COX10: variants seen among roughly 807,000 people sequenced by gnomAD.
COX10 encodes the protein protoheme IX farnesyltransferase, mitochondrial.
COX10 carries 27 observed loss-of-function variants against 37.3 expected under a neutral mutation model. The observed-to-expected ratio is 0.72, with a 90% CI of 0.53 to 1.00. The LOEUF (loss-of-function observed/expected upper bound fraction) is 1.00, where lower values mean the gene tolerates loss of function less well. Among genes scored for constraint, COX10 ranks in the 50% least tolerant of loss-of-function variants. COX10 has a pLI of 0.00. For missense variants in COX10, 475 were observed against 563.2 expected, an observed-to-expected ratio of 0.84 and a Z score of 1.59; for synonymous variants, 222 against 229.1, an observed-to-expected ratio of 0.97 and a Z score of 0.28.
At chr17:14,137,074 A>G (rs865911404) in intron 4 of COX10, among the ~76,000 whole-genome samples, 22 of 152,012 alleles carry the variant, frequency 1.4e-4, no homozygotes, top group African/African-American at 5.1e-4. Flanking sequence ...TTTTACCAAG[A>G]GTTGGTGAGG....
intron 5 of COX10, among the ~76,000 whole-genome samples, chr17:14,174,678 T>G (rs878921308): frequency 2.4e-4 from 37 of 152,186 alleles, no homozygotes; most frequent in East Asian, 1.9e-4. Flanking sequence ...TGAAGCTCTC[T>G]TTTATTGCTA....
intron 4 of COX10, among the ~76,000 whole-genome samples, chr17:14,155,235 CA>C (rs913762806): frequency 1.4e-5 from 2 of 146,026 alleles, no homozygotes; most frequent in African/African-American, 5.1e-5. Context: ...GTATGTTTAA[CA>C]AAAAAAGAAT....
intron 4 of COX10, among the ~76,000 whole-genome samples, chr17:14,109,707 A>G (rs1055148585): frequency 2.6e-5 from 4 of 152,092 alleles, no homozygotes; most frequent in Admixed American, 6.6e-5. Context: ...GAATCAGGGT[A>G]TTCTTTATTA....
chr17:14,106,475 T>G (rs1915895729), intron 4 of COX10, among the ~76,000 whole-genome samples: 1 of 152,210 alleles, frequency 6.6e-6, no homozygotes, highest in Non-Finnish European at 1.5e-5. Flanking sequence ...CTTATTTATT[T>G]CGATAGTTTT....
chr17:14,177,475 TGACCATCCATTCCA>T (rs1303028952), intron 5 of COX10, among the ~76,000 whole-genome samples: 1 of 119,604 alleles, frequency 8.4e-6, no homozygotes, highest in East Asian at 2.4e-4. Flanking sequence ...TTAGCTATTT[TGACCATCCATTCCA>T]GAAAAGATGG....
At chr17:14,114,224 A>G (rs1916064566) in intron 4 of COX10, among the ~76,000 whole-genome samples, 1 of 152,132 alleles carries the variant, frequency 6.6e-6, no homozygotes, top group South Asian at 2.1e-4. Flanking sequence ...TACTCTAGAT[A>G]TCATTATTAT....
At chr17:14,166,413 A>G (rs938437170) in intron 5 of COX10, among the ~76,000 whole-genome samples, 1 of 152,204 alleles carries the variant, frequency 6.6e-6, no homozygotes, top group Non-Finnish European at 1.5e-5. Context: ...ATACCAGTAC[A>G]TCTGATTGCA....
chr17:14,096,748 G>A (rs1253022361), intron 3 of COX10, among the ~76,000 whole-genome samples: 1 of 152,144 alleles, frequency 6.6e-6, no homozygotes, highest in African/African-American at 2.4e-5. Flanking sequence ...GGAGAAGGCA[G>A]AGGCAGATAA....
intron 2 of COX10, among the ~76,000 whole-genome samples, chr17:14,075,887 G>A (rs1002331909): frequency 1.3e-5 from 2 of 151,450 alleles, no homozygotes; most frequent in Non-Finnish European, 2.9e-5. Flanking sequence ...AACTACTTGG[G>A]AGGCTGAGGC....
intron 6 of COX10, among the ~76,000 whole-genome samples, chr17:14,202,252 T>C (rs940978784): frequency 6.7e-6 from 1 of 150,360 alleles, no homozygotes; most frequent in African/African-American, 2.5e-5. Context: ...AGAATTGATG[T>C]CTTGCTCTGT....
chr17:14,079,875 TGTATACAC>T (rs1567586351), intron 3 of COX10, among the ~76,000 whole-genome samples: 2 of 150,408 alleles, frequency 1.3e-5, no homozygotes, highest in African/African-American at 2.5e-5. Flanking sequence ...TATGTATGTA[TGTATACAC>T]ACACACACAG....
At chr17:14,166,027 A>G (rs1223779342) in intron 5 of COX10, among the ~76,000 whole-genome samples, 1 of 152,242 alleles carries the variant, frequency 6.6e-6, no homozygotes. Context: ...GAGGTTTAAG[A>G]AAAGAAGCTG....
chr17:14,081,115 T>C (rs1915283134), intron 3 of COX10, among the ~76,000 whole-genome samples: 1 of 152,226 alleles, frequency 6.6e-6, no homozygotes, highest in Admixed American at 6.5e-5. Flanking sequence ...GTTCTGAGCA[T>C]ATATCATGCC....
chr17:14,070,622 T>G (rs980534833), intron 1 of COX10, among the ~76,000 whole-genome samples: 1 of 152,208 alleles, frequency 6.6e-6, no homozygotes, highest in Non-Finnish European at 1.5e-5. Context: ...AGAGGCCAGA[T>G]AAGAGAAGCC....
intron 4 of COX10, among the ~76,000 whole-genome samples, chr17:14,146,422 G>A (rs1327292744): frequency 6.6e-6 from 1 of 152,126 alleles, no homozygotes; most frequent in African/African-American, 2.4e-5. Flanking sequence ...AATAAATGGT[G>A]CAGGGAAAAC....
rs1438496247 is a variant in COX10, at chr17:14,178,356, C to T, written c.696-13633C>T. Among the ~76,000 whole-genome samples, 3 of 103,548 alleles carry T rather than the reference C, an allele frequency of 2.9e-5. 1 individual carries two copies. The highest frequency in any genetic ancestry group is 7.2e-5 in the Non-Finnish European group (3 of 41,490). The allele number at this position is 103,548 out of a possible 152,430, so 67.9% of individuals were successfully genotyped here. A position where few individuals can be genotyped will look rare whatever the true frequency, so the allele number is the denominator to read the frequency against. ...CTTATTTTGGAATGTTTCCAGGGGT[C>T]CTTGGGACCCCTTTTCTGTCTTATG... is the stretch of plus-strand genomic sequence containing the variant. On this transcript the variant is annotated intron_variant, in intron 5 of 6. Transcript: ENST00000261643.
At position 14,080,284 on chromosome 17, in the gene COX10, C is replaced by T. The variant is rs186022268; in HGVS notation, c.499+3228C>T. Among the ~76,000 whole-genome samples the T allele has an allele frequency of 5.3e-5, 7 of 133,156 alleles. No homozygotes were observed. In the East Asian group the frequency reaches 9.0e-4, roughly 17 times the overall value. The allele number at this position is 133,156 out of a possible 152,430, so 87.4% of individuals were successfully genotyped here. A position where few individuals can be genotyped will look rare whatever the true frequency, so the allele number is the denominator to read the frequency against. ...TGTCACCCAGGCTGGAGTCCAGTGGCGAGATCTCAGCTCACTGCAAGCTCC... is the reference window on the plus strand; with the variant it reads ...TGTCACCCAGGCTGGAGTCCAGTGGTGAGATCTCAGCTCACTGCAAGCTCC... On this transcript the variant is annotated intron_variant, in intron 3 of 6. Transcript: ENST00000261643.
intron 4 of COX10, among the ~76,000 whole-genome samples, chr17:14,142,010 T>A (rs1904558970): frequency 6.6e-6 from 1 of 152,156 alleles, no homozygotes; most frequent in Non-Finnish European, 1.5e-5. Flanking sequence ...TGTTCAAAAT[T>A]TCTCCGGGAT....
At chr17:14,132,334 G>A (rs1206736611) in intron 4 of COX10, among the ~76,000 whole-genome samples, 3 of 151,894 alleles carry the variant, frequency 2.0e-5, no homozygotes, top group South Asian at 2.1e-4. Context: ...CGGAGAATCC[G>A]TGTCGATGGT....
Sources: allele counts gnomAD v4.1 joint callset (sites outside exome capture counted in the v4.1 genomes callset), GRCh38; gene constraint gnomAD v4.1.1; transcripts MANE v1.5; gene names NCBI Gene and HGNC (gene_info 2026-07-23, HGNC 2026-07-21).